The following CNTNAP5 variants were observed in gnomAD, a reference collection of about 807,000 sequenced individuals.
CNTNAP5 encodes contactin associated protein family member 5.
A neutral mutation model predicts 150.2 loss-of-function variants in CNTNAP5; 72 were observed. The ratio of observed to expected loss-of-function variants is 0.48; its 90% CI spans 0.40 to 0.58. The LOEUF (loss-of-function observed/expected upper bound fraction) is 0.58. CNTNAP5 is among the 20% of genes least tolerant of loss of function. The pLI, the probability that CNTNAP5 is intolerant of heterozygous loss-of-function variation, is 0.00. For missense variants in CNTNAP5, 1,636 were observed against 1,626.2 expected, an observed-to-expected ratio of 1.01 and a Z score of -0.10; for synonymous variants, 672 against 619.8, an observed-to-expected ratio of 1.08 and a Z score of -1.25.
At chr2:124,647,401 CTG>C (rs3039907) in intron 12 of CNTNAP5, among the ~76,000 whole-genome samples, 76,616 of 151,928 alleles carry the variant, frequency 0.5, 20,595 homozygotes, top group Non-Finnish European at 0.62. Context: ...CACTTATTAA[CTG>C]TGGGATATTG....
chr2:124,388,344 C>G (rs919284209), intron 3 of CNTNAP5, among the ~76,000 whole-genome samples: 1 of 151,704 alleles, frequency 6.6e-6, no homozygotes, highest in African/African-American at 2.4e-5. Context: ...CCACCAGAAC[C>G]CTGTGTTGCA....
chr2:124,797,160 C>T (rs1034855470), intron 18 of CNTNAP5, among the ~76,000 whole-genome samples: 5 of 152,136 alleles, frequency 3.3e-5, no homozygotes, highest in African/African-American at 1.2e-4. Flanking sequence ...GATAAGAAAA[C>T]ATTCTCCACA....
intron 6 of CNTNAP5, among the ~76,000 whole-genome samples, chr2:124,454,369 T>C (rs1011761321): frequency 2.6e-5 from 4 of 152,158 alleles, no homozygotes; most frequent in Non-Finnish European, 5.9e-5. Context: ...TAAATATATA[T>C]GCACCTAACT....
At chr2:124,597,450 T>C (rs1696854509) in intron 11 of CNTNAP5, among the ~76,000 whole-genome samples, 1 of 148,970 alleles carries the variant, frequency 6.7e-6, no homozygotes, top group Admixed American at 6.7e-5. Context: ...TTCTTTTCTT[T>C]AAGAATGTTG....
chr2:124,798,342 C>T, intron 19 of CNTNAP5, 22 bp downstream of exon 19: 1 of 1,552,904 alleles, frequency 6.4e-7, no homozygotes, highest in South Asian at 1.1e-5. Flanking sequence ...GGCATGATAC[C>T]CAGCGGAGTC....
At position 124,263,590 on chromosome 2, in the gene CNTNAP5, C is replaced by T. The variant is rs1280169316; in HGVS notation, c.381+21197C>T. ...TAGACTGCAAAAATTTTCTCCCCTTCTGTAGGTTGCCTGTTCACGCTGATG... is the reference window on the plus strand; with the variant it reads ...TAGACTGCAAAAATTTTCTCCCCTTTTGTAGGTTGCCTGTTCACGCTGATG... On this transcript the variant is annotated intron_variant, in intron 3 of 23. Transcript: ENST00000682447. 4.6e-5 allele frequency among the ~76,000 whole-genome samples: 7 copies of T among 152,158 alleles called. No homozygotes were observed. The East Asian group carries it at 1.3e-3, about 29-fold the overall frequency.
chr2:124,562,013 A>C (rs1176631687), intron 10 of CNTNAP5, among the ~76,000 whole-genome samples: 1 of 152,230 alleles, frequency 6.6e-6, no homozygotes, highest in Middle Eastern at 3.4e-3. Flanking sequence ...TCTTAATTTC[A>C]TTCACTGCAT....
chr2:124,785,938 T>C (rs1289092302), intron 17 of CNTNAP5, among the ~76,000 whole-genome samples: 1 of 151,954 alleles, frequency 6.6e-6, no homozygotes, highest in Non-Finnish European at 1.5e-5. Context: ...TCTCCAGGCA[T>C]AGAAAGAAGC....
intron 3 of CNTNAP5, among the ~76,000 whole-genome samples, chr2:124,289,717 G>A (rs532366512): frequency 5.1e-4 from 77 of 152,234 alleles, no homozygotes; most frequent in Admixed American, 1.9e-3. Flanking sequence ...TGAAGAAACC[G>A]AGAGCTGGAC....
At chr2:124,727,396 T>G (rs1680180612) in intron 13 of CNTNAP5, among the ~76,000 whole-genome samples, 1 of 152,006 alleles carries the variant, frequency 6.6e-6, no homozygotes, top group Admixed American at 6.6e-5. Flanking sequence ...ATGATTGCAT[T>G]GAACTTTGGG....
intron 1 of CNTNAP5, among the ~76,000 whole-genome samples, chr2:124,047,249 G>T (rs146858397): frequency 6.6e-6 from 1 of 152,314 alleles, no homozygotes; most frequent in Non-Finnish European, 1.5e-5. Flanking sequence ...GGCACCGAAG[G>T]GTAGTCACAT....
intron 19 of CNTNAP5, among the ~76,000 whole-genome samples, chr2:124,827,535 G>T (rs1415815324): frequency 1.3e-5 from 2 of 152,152 alleles, no homozygotes; most frequent in Non-Finnish European, 2.9e-5. Context: ...GTTCCTTGAT[G>T]AGACTTAACC....
chr2:124,066,388 G>A (rs1021015721), intron 1 of CNTNAP5, among the ~76,000 whole-genome samples: 2 of 152,138 alleles, frequency 1.3e-5, no homozygotes, highest in Non-Finnish European at 2.9e-5. Context: ...GATATACGTA[G>A]TTAATCTAGT....
At chr2:124,060,469 T>C (rs1681978964) in intron 1 of CNTNAP5, among the ~76,000 whole-genome samples, 1 of 152,192 alleles carries the variant, frequency 6.6e-6, no homozygotes, top group Non-Finnish European at 1.5e-5. Context: ...AGAAGCAGCA[T>C]TACGGAAAAG....
intron 13 of CNTNAP5, among the ~76,000 whole-genome samples, chr2:124,677,238 G>A (rs34193160): frequency 0.24 from 36,011 of 151,970 alleles, 4,794 homozygotes; most frequent in African/African-American, 0.37. Flanking sequence ...TAAAGGTGGC[G>A]CGTCTGGGGT....
intron 13 of CNTNAP5, among the ~76,000 whole-genome samples, chr2:124,713,372 T>TTTCTTTCTTTCTTTC (rs1553434537): frequency 7.3e-6 from 1 of 137,090 alleles, no homozygotes; most frequent in East Asian, 2.4e-4. Context: ...TCTTTCTTTC[T>TTTCTTTCTTTCTTTC]TTCTTTCTTC....
At chr2:124,449,184 A>G (rs1050548133) in intron 6 of CNTNAP5, among the ~76,000 whole-genome samples, 2 of 152,192 alleles carry the variant, frequency 1.3e-5, no homozygotes, top group African/African-American at 2.4e-5. Context: ...TCACTCTTTG[A>G]CTCAGAATAC....
intron 13 of CNTNAP5, among the ~76,000 whole-genome samples, chr2:124,695,325 G>C (rs1573553088): frequency 6.6e-6 from 1 of 152,282 alleles, no homozygotes; most frequent in African/African-American, 2.4e-5. Flanking sequence ...TCAAAGGACA[G>C]AAAATCATGA....
chr2:124,384,802 C>T (rs550073500), intron 3 of CNTNAP5, among the ~76,000 whole-genome samples: 7 of 152,308 alleles, frequency 4.6e-5, no homozygotes, highest in Non-Finnish European at 8.8e-5. Flanking sequence ...GCGTTCTAAC[C>T]CGCAAAGTGA....
Sources: allele counts gnomAD v4.1 joint callset (sites outside exome capture counted in the v4.1 genomes callset), GRCh38; gene constraint gnomAD v4.1.1; transcripts MANE v1.5; gene names NCBI Gene and HGNC (gene_info 2026-07-23, HGNC 2026-07-21).